FGF14: variants seen among roughly 807,000 people sequenced by gnomAD.
The protein encoded by FGF14 is fibroblast growth factor homologous factor 4.
In FGF14, 5 loss-of-function variants were observed where a neutral mutation model predicts 25.5. That is an observed-to-expected ratio of 0.20 (90% CI 0.10 to 0.41). The LOEUF (loss-of-function observed/expected upper bound fraction) is 0.41, where lower values mean the gene tolerates loss of function less well. FGF14 is among the 10% of genes least tolerant of loss of function. The probability of loss-of-function intolerance (pLI) is 1.00; values close to 1 mark genes in which losing one functional copy is unlikely to be tolerated. For missense variants in FGF14, 222 were observed against 320.1 expected, an observed-to-expected ratio of 0.69 and a Z score of 2.34; for synonymous variants, 138 against 118.3, an observed-to-expected ratio of 1.17 and a Z score of -1.08.
intron 1 of FGF14, among the ~76,000 whole-genome samples, chr13:101,978,055 C>T (rs1004703726): frequency 6.6e-6 from 1 of 152,098 alleles, no homozygotes; most frequent in Non-Finnish European, 1.5e-5. Context: ...ATAATTGGTT[C>T]ATCTTTCTAG....
chr13:102,158,039 G>A (rs2047431978), intron 1 of FGF14, among the ~76,000 whole-genome samples: 1 of 152,200 alleles, frequency 6.6e-6, no homozygotes, highest in Non-Finnish European at 1.5e-5. Flanking sequence ...TGGAGAGGAT[G>A]TGGAGAAATA....
chr13:101,932,761 A>AC (rs1234362778), intron 1 of FGF14, among the ~76,000 whole-genome samples: 1 of 150,986 alleles, frequency 6.6e-6, no homozygotes. Context: ...TACAGTAAAA[A>AC]AAAAAAAAAA....
chr13:101,811,144 G>A (rs927771878), intron 3 of FGF14, among the ~76,000 whole-genome samples: 2 of 150,062 alleles, frequency 1.3e-5, no homozygotes, highest in African/African-American at 4.9e-5. Flanking sequence ...CCTTACATTA[G>A]GGTTCACTCT....
intron 1 of FGF14, among the ~76,000 whole-genome samples, chr13:102,005,566 A>C (rs559674887): frequency 3.3e-5 from 5 of 152,204 alleles, no homozygotes; most frequent in Non-Finnish European, 7.3e-5. Context: ...GCACAAGCAA[A>C]TATGATATTT....
chr13:102,257,140 C>T (rs2052479279), intron 1 of FGF14, among the ~76,000 whole-genome samples: 1 of 151,858 alleles, frequency 6.6e-6, no homozygotes, highest in Non-Finnish European at 1.5e-5. Context: ...TCTCTCACAA[C>T]AATAGTATCA....
intron 1 of FGF14, among the ~76,000 whole-genome samples, chr13:102,112,126 T>C (rs1317004358): frequency 2.0e-5 from 3 of 152,234 alleles, no homozygotes; most frequent in Non-Finnish European, 2.9e-5. Flanking sequence ...ACTTCATACT[T>C]ATTATCTCAC....
chr13:101,949,963 G>A (rs926288602), intron 1 of FGF14, among the ~76,000 whole-genome samples: 8 of 152,000 alleles, frequency 5.3e-5, no homozygotes, highest in African/African-American at 1.7e-4. Context: ...CAGGAAGTAG[G>A]GTGTGGTAGG....
At chr13:102,084,799 T>G (rs1199959539) in intron 1 of FGF14, among the ~76,000 whole-genome samples, 1 of 152,230 alleles carries the variant, frequency 6.6e-6, no homozygotes, top group East Asian at 1.9e-4. Context: ...TGTCCAGGTG[T>G]GAATTTTCTC....
intron 1 of FGF14, among the ~76,000 whole-genome samples, chr13:101,939,954 T>C (rs889220153): frequency 7.9e-5 from 12 of 152,152 alleles, no homozygotes; most frequent in Non-Finnish European, 1.2e-4. Context: ...CAATAAAATT[T>C]TGCAGACGGA....
intron 1 of FGF14, among the ~76,000 whole-genome samples, chr13:102,173,972 T>C (rs2048343431): frequency 6.6e-6 from 1 of 151,954 alleles, no homozygotes; most frequent in South Asian, 2.1e-4. Context: ...ATAAAAGGCA[T>C]CCAAATTGGA....
At chr13:102,237,442 C>T (rs765719775) in intron 1 of FGF14, among the ~76,000 whole-genome samples, 22 of 152,192 alleles carry the variant, frequency 1.4e-4, no homozygotes, top group Non-Finnish European at 2.2e-4. Flanking sequence ...CTCATCCCTG[C>T]GAGGGGCGCA....
chr13:101,916,616 G>A lies in FGF14; in HGVS notation c.30C>T (p.Ile10=). 2.5e-6 allele frequency: 4 copies of A among 1,587,754 alleles called. No individual in the cohort carries two copies. Among genetic ancestry groups the A allele is most frequent in the African/African-American group, 1.3e-5 (1 of 74,094 alleles). MAAAIASGL[I]RQKRQAREQH... is the part of the protein sequence containing the mutation. ...GCTCCCGCGCCTGCCGCTTCTGGCGGATCAAGCCGCTAGCGATGGCCGCGG... is the reference window on the plus strand; with the variant it reads ...GCTCCCGCGCCTGCCGCTTCTGGCGAATCAAGCCGCTAGCGATGGCCGCGG... The change falls in exon 1 of 5, where the codon ATC becomes ATT. Residue 10 remains isoleucine, a synonymous_variant. Coordinates refer to ENST00000376143, the MANE Select transcript of FGF14 (RefSeq NM_004115.4).
intron 1 of FGF14, among the ~76,000 whole-genome samples, chr13:102,038,492 T>C (rs2041579472): frequency 6.6e-6 from 1 of 152,182 alleles, no homozygotes; most frequent in African/African-American, 2.4e-5. Flanking sequence ...TCTAATTTCC[T>C]TGATTTCTGA....
At chr13:101,945,011 CTG>C (rs2035711572) in intron 1 of FGF14, among the ~76,000 whole-genome samples, 1 of 152,116 alleles carries the variant, frequency 6.6e-6, no homozygotes, top group African/African-American at 2.4e-5. Flanking sequence ...CATCATAAAA[CTG>C]TACACTTAAA....
chr13:102,145,242 T>G (rs1031743817), intron 1 of FGF14, among the ~76,000 whole-genome samples: 7 of 152,190 alleles, frequency 4.6e-5, no homozygotes, highest in African/African-American at 1.7e-4. Flanking sequence ...TGGGTTTTTT[T>G]GGCAATGATT....
At chr13:101,967,535 T>C (rs1220847477) in intron 1 of FGF14, 1 of 152,204 alleles carries the variant, frequency 6.6e-6, no homozygotes, top group African/African-American at 2.4e-5. Flanking sequence ...ACAAGCAAAA[T>C]ACAAGAAAAA....
rs528189725 is a variant in FGF14, at chr13:101,711,306, C to A, written c.*11525G>T. 6.6e-6 allele frequency: 1 copy of A among 152,328 alleles called. No homozygotes were observed. Among genetic ancestry groups the A allele is most frequent in the East Asian group, 1.9e-4 (1 of 5,180 alleles). The allele number at this position is 152,328 out of a possible 1,614,324, so 9.4% of individuals were successfully genotyped here. A position where few individuals can be genotyped will look rare whatever the true frequency, so the allele number is the denominator to read the frequency against. ...GTAAACACATGTCATTAACTGTCTCCTTAAACTCTCACAGTGATACTTCTT... is the reference window on the plus strand; with the variant it reads ...GTAAACACATGTCATTAACTGTCTCATTAAACTCTCACAGTGATACTTCTT... On this transcript the variant is annotated 3_prime_UTR_variant, in exon 5 of 5. Coordinates refer to ENST00000376143, the MANE Select transcript of FGF14 (RefSeq NM_004115.4).
At chr13:102,020,497 G>A (rs1172906411) in intron 1 of FGF14, among the ~76,000 whole-genome samples, 3 of 152,000 alleles carry the variant, frequency 2.0e-5, no homozygotes, top group African/African-American at 4.8e-5. Flanking sequence ...TCAGTGAGCC[G>A]AGATCACGCA....
At chr13:102,112,204 C>G (rs2045264413) in intron 1 of FGF14, among the ~76,000 whole-genome samples, 1 of 152,216 alleles carries the variant, frequency 6.6e-6, no homozygotes, top group Non-Finnish European at 1.5e-5. Context: ...GTGAGGTAAT[C>G]TGACCCAGAG....
Sources: gnomAD v4.1 joint callset for allele counts (sites outside exome capture counted in the v4.1 genomes callset) on GRCh38, gnomAD v4.1.1 for gene constraint, MANE v1.5 for transcripts, NCBI Gene and HGNC (gene_info 2026-07-23, HGNC 2026-07-21) for gene names.